LMTK2: variants seen among roughly 807,000 people sequenced by gnomAD.
LMTK2 encodes lemur tail kinase 2.
Under a neutral mutation model 127.5 loss-of-function variants are expected in LMTK2, and 37 were observed. The ratio of observed to expected loss-of-function variants is 0.29; its 90% CI spans 0.22 to 0.38. The LOEUF (loss-of-function observed/expected upper bound fraction) is 0.38. Ranked by LOEUF, LMTK2 falls within the 10% of genes least tolerant of loss-of-function variation. The pLI, the probability that LMTK2 is intolerant of heterozygous loss-of-function variation, is 1.00. For synonymous variants in LMTK2, 819 were observed against 810.1 expected (o/e 1.01, Z -0.19); for missense variants, 1,694 against 1,920.3 (o/e 0.88, Z 2.20).
At chr7:98,145,277 TAA>T (rs5886052) in intron 3 of LMTK2, among the ~76,000 whole-genome samples, 760 of 146,942 alleles carry the variant, frequency 5.2e-3, no homozygotes, top group Middle Eastern at 7.0e-3. Flanking sequence ...AATGGTACAC[TAA>T]AAAAAAAAAA....
chr7:98,193,071 TTCTC>T lies in LMTK2; in HGVS notation c.2609_2612del (p.Leu870GlnfsTer42). 6.2e-7 allele frequency: 1 copy of T among 1,613,818 alleles called. No individual in the cohort carries two copies. The highest frequency in any genetic ancestry group is 8.5e-7 in the Non-Finnish European group (1 of 1,180,020). On this transcript the variant is annotated frameshift_variant, in exon 11 of 14. Coordinates refer to ENST00000297293, the MANE Select transcript of LMTK2 (RefSeq NM_014916.4). LOFTEE classifies it high-confidence loss of function. The surrounding 1 kb of genome is among the most constrained non-coding windows in gnomAD (Gnocchi z 4.1). ...GACGCTGTGACTGTCCCGGTTGAAA[TTCTC>T]TCAACTGATGCCAGAACCCACAGCC...
Position 98,209,154 on chromosome 7 carries a change from G to A in LMTK2, c.*3662G>A, listed in dbSNP as rs763862149. ...AGAATGGGTATACGCAGTGACTTCCGATGGAAATCTCCAAAACAATATTCC... is the reference window on the plus strand; with the variant it reads ...AGAATGGGTATACGCAGTGACTTCCAATGGAAATCTCCAAAACAATATTCC... On this transcript the variant is annotated 3_prime_UTR_variant, in exon 14 of 14. Coordinates refer to ENST00000297293, the MANE Select transcript of LMTK2 (RefSeq NM_014916.4). 3.3e-5 allele frequency: 5 copies of A among 152,212 alleles called. No individual in the cohort carries two copies. Among genetic ancestry groups the A allele is most frequent in the Non-Finnish European group, 5.9e-5 (4 of 68,052 alleles). 9.4% of individuals were successfully genotyped at this position (152,212 alleles called of 1,614,324 possible).
rs376672389 is a variant in LMTK2 at position 98,193,609 on chromosome 7, C to T, written c.3144C>T (p.Pro1048=). The T allele has an allele frequency of 2.4e-5, 39 of 1,613,846 alleles. No individual in the cohort carries two copies. Among genetic ancestry groups the T allele is most frequent in the African/African-American group, 2.4e-4 (18 of 74,872 alleles). Residue 1048 remains proline, a synonymous_variant, in exon 11 of 14, where the codon CCC becomes CCT. Coordinates refer to ENST00000297293, the MANE Select transcript of LMTK2 (RefSeq NM_014916.4). The surrounding 1 kb of genome is among the most constrained non-coding windows in gnomAD (Gnocchi z 4.1). The part of the protein sequence containing the change: ...ESPEWTLHPA[P]EGTADSEPAT... Reference sequence around the variant, plus strand: ...CCGAGTGGACCTTGCATCCCGCTCCCGAGGGCACCGCAGACTCAGAACCAG... The same window carrying T: ...CCGAGTGGACCTTGCATCCCGCTCCTGAGGGCACCGCAGACTCAGAACCAG...
chr7:98,137,619 C>G (rs1046441643), intron 2 of LMTK2, among the ~76,000 whole-genome samples, 177 bp downstream of exon 2: 4 of 152,212 alleles, frequency 2.6e-5, no homozygotes, highest in Admixed American at 1.3e-4. Flanking sequence ...CATACAGTCT[C>G]TAAAACAGCA....
In LMTK2 at chr7:98,191,639, C is replaced by A; in HGVS notation, c.1174C>A (p.Leu392Met). ...GTATGAAGTCTTACAGTTCTGTTGG[C>A]TGTCACCAGAAAAGAGACCCGCGGC... is the stretch of plus-strand genomic sequence containing the variant. ...RWYEVLQFCW[L>M]SPEKRPAAED... The change falls in exon 11 of 14, where the codon CTG becomes ATG. Residue 392 changes from leucine (L) to methionine (M), a missense_variant. Physicochemically the swap from Leu to Met is conservative, Grantham distance 15. This residue lies in a region of LMTK2 where 216 missense variants were observed against 266.8 expected (regional missense o/e 0.81). Transcript: ENST00000297293. 6.2e-7 allele frequency: 1 copy of A among 1,610,232 alleles called. No homozygotes were observed. Among genetic ancestry groups the A allele is most frequent in the Non-Finnish European group, 8.5e-7 (1 of 1,177,992 alleles).
chr7:98,146,484 A>ATTT (rs992846635), intron 3 of LMTK2, among the ~76,000 whole-genome samples: 43 of 149,900 alleles, frequency 2.9e-4, no homozygotes, highest in African/African-American at 9.3e-4. Context: ...TAATCAAGGA[A>ATTT]TTTTTTTTTT....
chr7:98,149,860 G>C (rs1026808177), intron 3 of LMTK2, among the ~76,000 whole-genome samples: 7 of 152,170 alleles, frequency 4.6e-5, no homozygotes, highest in African/African-American at 1.7e-4. Context: ...CGTGGACTGG[G>C]AGAAAACATT....
Position 98,106,968 on chromosome 7 carries a change from G to T in LMTK2, c.-210G>T. On this transcript the variant is annotated 5_prime_UTR_variant, in exon 1 of 14. In the 5' UTR this introduces an upstream ATG that the reference lacks. Coordinates refer to ENST00000297293, the MANE Select transcript of LMTK2 (RefSeq NM_014916.4). ...GTTGAGAGGCGGCGGCGGCGGCGCAGGCGGGCGGGAAGGATGGTGTTTCTG... is the reference window on the plus strand; with the variant it reads ...GTTGAGAGGCGGCGGCGGCGGCGCATGCGGGCGGGAAGGATGGTGTTTCTG... The T allele has an allele frequency of 2.2e-6, 1 of 460,866 alleles. No homozygotes were observed. The highest frequency in any genetic ancestry group is 5.7e-4 in the Middle Eastern group (1 of 1,762). The allele number at this position is 460,866 out of a possible 1,614,324, so 28.5% of individuals were successfully genotyped here.
chr7:98,171,286 T>G lies in LMTK2; in HGVS notation c.658-255T>G, dbSNP rs1305670621. Among the ~76,000 whole-genome samples, 3 of 152,206 alleles carry G rather than the reference T, an allele frequency of 2.0e-5. No individual in the cohort carries two copies. The highest frequency in any genetic ancestry group is 2.0e-4 in the Admixed American group (3 of 15,272). On this transcript the variant is annotated intron_variant, in intron 6 of 13. Coordinates refer to ENST00000297293, the MANE Select transcript of LMTK2 (RefSeq NM_014916.4). This position sits in a 1 kb window ranked among gnomAD's most constrained non-coding sequence, Gnocchi z 5.1. ...CAGCATTTAGTTTAAATGTGCATCA[T>G]TGCAAAACTATCTTTTTTTAAACTG...
intron 11 of LMTK2, among the ~76,000 whole-genome samples, chr7:98,195,493 C>G (rs907647458): frequency 6.6e-6 from 1 of 151,530 alleles, no homozygotes; most frequent in South Asian, 2.1e-4. Context: ...AAAAAAAGTT[C>G]TTTTCATACT....
chr7:98,152,804 A>C (rs10241172), intron 4 of LMTK2, among the ~76,000 whole-genome samples: 18,403 of 152,138 alleles, frequency 0.12, 1,719 homozygotes, highest in African/African-American at 0.26. Context: ...TAGAGGGGGA[A>C]GGTGAAAGCA....
At chr7:98,157,251 CGGTAGGTA>C (rs60034734) in intron 5 of LMTK2, among the ~76,000 whole-genome samples, 54,452 of 141,744 alleles carry the variant, frequency 0.38, 11,153 homozygotes, top group African/African-American at 0.52. Flanking sequence ...GACCCTGTCT[CGGTAGGTA>C]GGTAGGTAGG....
intron 1 of LMTK2, among the ~76,000 whole-genome samples, chr7:98,115,271 C>T (rs1448036041): frequency 1.3e-5 from 2 of 151,782 alleles, no homozygotes; most frequent in African/African-American, 4.8e-5. Context: ...CAAAAATTAG[C>T]TGGGTATGGT....
intron 9 of LMTK2, among the ~76,000 whole-genome samples, chr7:98,188,861 G>C (rs1455475176): frequency 6.6e-6 from 1 of 152,104 alleles, no homozygotes; most frequent in Non-Finnish European, 1.5e-5. Flanking sequence ...CCCAAGACTT[G>C]GGAAGTTTTT....
At position 98,171,673 on chromosome 7, in the gene LMTK2, A is replaced by G. The variant is rs1207706618; in HGVS notation, c.790A>G (p.Ser264Gly). The G allele has an allele frequency of 6.3e-7, 1 of 1,582,374 alleles. No individual in the cohort carries two copies. Among genetic ancestry groups the G allele is most frequent in the Non-Finnish European group, 8.6e-7 (1 of 1,165,024 alleles). ...AAMHKLHFLH[S>G]DLALRNCFLT... is the part of the protein sequence containing the mutation. ...CATGCACAAGCTGCACTTCCTGCAC[A>G]GGTGGGTACCTGCGTCAGCGGTGCA... Residue 264 changes from serine (S) to glycine (G), a missense_variant and splice_region_variant, in exon 7 of 14, where the codon AGT becomes GGT. Physicochemically the swap from Ser to Gly is moderately conservative, Grantham distance 56. Transcript: ENST00000297293. The surrounding 1 kb of genome is among the most constrained non-coding windows in gnomAD (Gnocchi z 5.1).
chr7:98,165,775 C>T lies in LMTK2; in HGVS notation c.658-5766C>T, dbSNP rs777156251. Among the ~76,000 whole-genome samples, 13 of 152,100 alleles carry T rather than the reference C, an allele frequency of 8.5e-5. No homozygotes were observed. In the South Asian group the frequency reaches 1.2e-3, roughly 15 times the overall value. On this transcript the variant is annotated intron_variant, in intron 6 of 13. Transcript: ENST00000297293. ...AGTTCAGCAATTTCTCCTCAGGCAC[C>T]GGGCACACCAAGATGGATGACGTGT...
At chr7:98,130,959 A>T (rs1796512627) in intron 1 of LMTK2, among the ~76,000 whole-genome samples, 1 of 152,196 alleles carries the variant, frequency 6.6e-6, no homozygotes, top group African/African-American at 2.4e-5. Flanking sequence ...TTCCATTTAA[A>T]CTTTTAAATT....
Position 98,205,452 on chromosome 7 carries a change from TCTC to T in LMTK2, c.4484-8_4484-6del, listed in dbSNP as rs764774513. ...CCCAGCTTTGTCGTCTCGCTTCCTC[TCTC>T]CTCAACAGGAAGCAGCGAAGACGGA... On this transcript the variant is annotated splice_polypyrimidine_tract_variant and intron_variant, in intron 13 of 13. Transcript: ENST00000297293. 27 of 1,613,640 alleles carry T rather than the reference TCTC, an allele frequency of 1.7e-5. No homozygotes were observed. Among genetic ancestry groups the T allele is most frequent in the Middle Eastern group, 1.6e-4 (1 of 6,084 alleles).
chr7:98,165,487 T>G (rs1451609462), intron 6 of LMTK2, among the ~76,000 whole-genome samples: 1 of 152,152 alleles, frequency 6.6e-6, no homozygotes, highest in African/African-American at 2.4e-5. Flanking sequence ...TTTATTCTAT[T>G]GTTTTTAAAA....
Sources: gnomAD v4.1 joint callset for allele counts (sites outside exome capture counted in the v4.1 genomes callset) on GRCh38, gnomAD v4.1.1 for gene constraint, gnomAD v4.1.1 regional missense constraint, Gnocchi (gnomAD v3.1) non-coding constraint, MANE v1.5 for transcripts, NCBI Gene and HGNC (gene_info 2026-07-23, HGNC 2026-07-21) for gene names.